TBC1D19: variants seen among roughly 807,000 people sequenced by gnomAD.
TBC1D19 encodes TBC1 domain family member 19.
TBC1D19 carries 60 observed loss-of-function variants against 89.0 expected under a neutral mutation model. The ratio of observed to expected loss-of-function variants is 0.67; its 90% confidence interval spans 0.55 to 0.84. The LOEUF (loss-of-function observed/expected upper bound fraction) is 0.84, where lower values mean the gene tolerates loss of function less well. TBC1D19 is among the 40% of genes least tolerant of loss of function. The pLI is 0.00. For missense variants in TBC1D19, 500 were observed against 610.8 expected (o/e 0.82, Z 1.91); for synonymous variants, 189 against 199.7 (o/e 0.95, Z 0.45).
the TBC1D19 span, among the ~76,000 whole-genome samples, chr4:26,816,503 AG>A: frequency 1.3e-5 from 2 of 152,170 alleles, no homozygotes; most frequent in Non-Finnish European, 2.9e-5. Context: ...TAAATTCCAA[AG>A]GGGGAAAATC....
At chr4:26,785,550 GGA>G in the TBC1D19 span, among the ~76,000 whole-genome samples, 3 of 152,204 alleles carry the variant, frequency 2.0e-5, no homozygotes, top group Non-Finnish European at 4.4e-5. Context: ...GTCTAGTGGA[GGA>G]AGTATTCAGG....
intron 13 of TBC1D19, among the ~76,000 whole-genome samples, chr4:26,697,084 A>G (rs1305029629): frequency 1.3e-5 from 2 of 152,142 alleles, no homozygotes; most frequent in Non-Finnish European, 2.9e-5. Flanking sequence ...TTTTTTGAAA[A>G]GATCAACAAA....
At chr4:26,682,525 C>T (rs1411674351) in intron 11 of TBC1D19, among the ~76,000 whole-genome samples, 1 of 152,186 alleles carries the variant, frequency 6.6e-6, no homozygotes, top group Admixed American at 6.5e-5. Context: ...CTCCTTGTCT[C>T]AGACGACCCT....
intron 1 of TBC1D19, among the ~76,000 whole-genome samples, chr4:26,604,063 C>T (rs527673405): frequency 1.3e-5 from 2 of 151,502 alleles, no homozygotes; most frequent in East Asian, 3.9e-4. Flanking sequence ...CATATGGTAT[C>T]TGTTTTTTTG....
rs543923530 is a variant in TBC1D19, at chr4:26,735,826, C to A, written c.1117+339C>A. 1.9e-4 allele frequency among the ~76,000 whole-genome samples: 29 copies of A among 152,006 alleles called. 1 individual carries two copies. The highest frequency in any genetic ancestry group is 6.3e-4 in the African/African-American group (26 of 41,480). ...GAGGCTGCTGGCCATCAGAGAAATG[C>A]AAATCAAAACCACAATGAGATACCA... On this transcript the variant is annotated intron_variant, in intron 16 of 20. Coordinates refer to ENST00000264866, the MANE Select transcript of TBC1D19 (RefSeq NM_018317.4).
At chr4:26,842,603 T>C in the TBC1D19 span, among the ~76,000 whole-genome samples, 10 of 137,476 alleles carry the variant, frequency 7.3e-5, no homozygotes, top group Middle Eastern at 3.5e-3. Flanking sequence ...TTTCTTTCTT[T>C]CTTTCTTTCT....
At chr4:26,735,674 A>C (rs1285570574) in intron 16 of TBC1D19, among the ~76,000 whole-genome samples, 187 bp downstream of exon 16, 2 of 152,168 alleles carry the variant, frequency 1.3e-5, no homozygotes, top group Non-Finnish European at 2.9e-5. Flanking sequence ...TTTATTACAC[A>C]TTAGAAAATT....
intron 14 of TBC1D19, among the ~76,000 whole-genome samples, 178 bp downstream of exon 14, chr4:26,718,195 A>G (rs1322837444): frequency 6.6e-6 from 1 of 152,074 alleles, no homozygotes; most frequent in Non-Finnish European, 1.5e-5. Context: ...TTTATCACAA[A>G]TCACGGGAAA....
chr4:26,786,820 G>A, the TBC1D19 span, among the ~76,000 whole-genome samples: 15 of 151,926 alleles, frequency 9.9e-5, no homozygotes, highest in Admixed American at 3.3e-4. Flanking sequence ...TGGAAGGATG[G>A]CAGCCAGATG....
In TBC1D19 at chr4:26,584,245, A is replaced by T; in HGVS notation, c.52A>T (p.Lys18Ter). ...TCTCATTATTGCCCAGATAGTCCAA[A>T]AGCTCAAGGGCTCCAATTTGTACTC... ...LSLIIAQIVQ[K>*]LKGSNLYSQL... is the part of the protein sequence containing the mutation. Residue 18 changes from lysine (K) to a stop codon, truncating the protein, a stop_gained, in exon 1 of 21, where the codon AAG becomes TAG. Transcript: ENST00000264866. LOFTEE classifies it high-confidence loss of function. 6.2e-7 allele frequency: 1 copy of T among 1,613,000 alleles called. No individual in the cohort carries two copies. The highest frequency in any genetic ancestry group is 8.5e-7 in the Non-Finnish European group (1 of 1,179,734).
At chr4:26,592,623 A>C (rs1431903044) in intron 1 of TBC1D19, among the ~76,000 whole-genome samples, 2 of 152,118 alleles carry the variant, frequency 1.3e-5, no homozygotes, top group Non-Finnish European at 2.9e-5. Context: ...TTAAGCTGAT[A>C]AGCAACTTCA....
At chr4:26,753,419 C>T (rs979139922) in intron 19 of TBC1D19, among the ~76,000 whole-genome samples, 1 of 152,088 alleles carries the variant, frequency 6.6e-6, no homozygotes, top group African/African-American at 2.4e-5. Context: ...CACTTGAGCA[C>T]AGGAATTCAA....
Position 26,673,722 on chromosome 4 carries a change from T to G in TBC1D19, c.704-54T>G, listed in dbSNP as rs1200709634. The G allele has an allele frequency of 1.3e-5, 14 of 1,104,402 alleles. No homozygotes were observed. In the Admixed American group the frequency reaches 2.4e-4, roughly 19 times the overall value. The allele number at this position is 1,104,402 out of a possible 1,614,324, so 68.4% of individuals were successfully genotyped here. A position where few individuals can be genotyped will look rare whatever the true frequency, so the allele number is the denominator to read the frequency against. Reference sequence around the variant, plus strand: ...AAAGATTTATAATTGAAGATTTCAGTGATGTTTCTTACATTCTGAGTTTTC... The same window carrying G: ...AAAGATTTATAATTGAAGATTTCAGGGATGTTTCTTACATTCTGAGTTTTC... On this transcript the variant is annotated intron_variant, in intron 10 of 20. Coordinates refer to ENST00000264866, the MANE Select transcript of TBC1D19 (RefSeq NM_018317.4).
At chr4:26,782,111 T>A in the TBC1D19 span, among the ~76,000 whole-genome samples, 1 of 152,230 alleles carries the variant, frequency 6.6e-6, no homozygotes, top group Non-Finnish European at 1.5e-5. Flanking sequence ...ATATTTAAGA[T>A]GTTTTAATGA....
the TBC1D19 span, among the ~76,000 whole-genome samples, chr4:26,848,329 T>G: frequency 2.0e-5 from 3 of 152,324 alleles, no homozygotes; most frequent in African/African-American, 7.2e-5. Flanking sequence ...GTCTCCAGCT[T>G]GTCAACTACA....
intron 14 of TBC1D19, among the ~76,000 whole-genome samples, chr4:26,719,695 C>G (rs34010107): frequency 0.46 from 69,334 of 151,884 alleles, 17,587 homozygotes; most frequent in Admixed American, 0.6. Flanking sequence ...CAGCACATTC[C>G]ATAAAAGTGT....
chr4:26,590,098 T>G (rs1219590841), intron 1 of TBC1D19, among the ~76,000 whole-genome samples: 2 of 152,212 alleles, frequency 1.3e-5, no homozygotes. Flanking sequence ...TTTTAGTTCA[T>G]TTCTTACTGT....
chr4:26,733,531 C>A (rs1717790638), intron 15 of TBC1D19, among the ~76,000 whole-genome samples: 1 of 152,104 alleles, frequency 6.6e-6, no homozygotes, highest in Non-Finnish European at 1.5e-5. Flanking sequence ...TGTCTGACAT[C>A]CAGTCCATGC....
At chr4:26,632,518 A>AT (rs1742864899) in intron 4 of TBC1D19, among the ~76,000 whole-genome samples, 1 of 152,040 alleles carries the variant, frequency 6.6e-6, no homozygotes, top group Non-Finnish European at 1.5e-5. Context: ...TCATCTTCAC[A>AT]TTGAGTAGGC....
Sources: allele counts gnomAD v4.1 joint callset (sites outside exome capture counted in the v4.1 genomes callset), GRCh38; gene constraint gnomAD v4.1.1; transcripts MANE v1.5; gene names NCBI Gene and HGNC (gene_info 2026-07-23, HGNC 2026-07-21).